DNAH1: variants seen among roughly 807,000 people sequenced by gnomAD.
DNAH1 encodes dynein axonemal heavy chain 1, also known as axonemal beta dynein heavy chain 1.
A neutral mutation model predicts 484.3 loss-of-function variants in DNAH1; 327 were observed. The observed-to-expected ratio is 0.68, with a 90% CI of 0.62 to 0.74. DNAH1 has a LOEUF of 0.74. DNAH1 is among the 30% of genes least tolerant of loss of function. The pLI is 0.00. For missense variants in DNAH1, 5,052 were observed against 5,546.8 expected, an observed-to-expected ratio of 0.91 and a Z score of 2.83; for synonymous variants, 2,192 against 2,191.9, an observed-to-expected ratio of 1.00 and a Z score of 0.00.
Position 52,399,408 on chromosome 3 carries a change from A to C in DNAH1, c.12442-137A>C, listed in dbSNP as rs1704801060. 4.2e-6 allele frequency: 4 copies of C among 947,418 alleles called. 1 individual carries two copies. In the South Asian group the frequency reaches 6.4e-5, roughly 15 times the overall value. 58.7% of individuals were successfully genotyped at this position (947,418 alleles called of 1,614,324 possible). A position where few individuals can be genotyped will look rare whatever the true frequency, so the allele number is the denominator to read the frequency against. On this transcript the variant is annotated intron_variant, in intron 76 of 77. Transcript: ENST00000420323. ...AGGGGCAGGGCACAGACCACAGGCC[A>C]TGGGCTAAAGTGGTAGGTACGTGAT...
Position 52,394,365 on chromosome 3 carries a change from C to G in DNAH1, c.10627-100C>G. On this transcript the variant is annotated intron_variant, in intron 66 of 77. Coordinates refer to ENST00000420323, the MANE Select transcript of DNAH1 (RefSeq NM_015512.5). The stretch of plus-strand genomic sequence containing the variant: ...CATCCCCAAGGGAGACTCAGTTTCT[C>G]CAGGTGAGGGTGGTTAGAGAGGCAC... 6.1e-6 allele frequency: 7 copies of G among 1,148,758 alleles called. No individual in the cohort carries two copies. The South Asian group carries it at 8.6e-5, about 14-fold the overall frequency. 71.2% of individuals were successfully genotyped at this position (1,148,758 alleles called of 1,614,324 possible). A position where few individuals can be genotyped will look rare whatever the true frequency, so the allele number is the denominator to read the frequency against.
chr3:52,385,377 A>C lies in DNAH1; in HGVS notation c.8555A>C (p.Asp2852Ala). ...TSEDVAKMQEDLESMHPLLEE... is the reference protein window; with the variant it reads ...TSEDVAKMQEALESMHPLLEE... ...GAGGATGTAGCCAAGATGCAGGAGG[A>C]CCTGGAGAGTATGCACCCCCTGCTG... The change falls in exon 54 of 78, where the codon GAC (aspartate) becomes GCC (alanine). Residue 2852 changes from aspartate (D) to alanine (A), a missense_variant. Transcript: ENST00000420323. The C allele has an allele frequency of 6.4e-7, 1 of 1,552,870 alleles. No individual in the cohort carries two copies. Among genetic ancestry groups the C allele is most frequent in the Non-Finnish European group, 8.7e-7 (1 of 1,147,648 alleles).
Position 52,369,911 on chromosome 3 carries a change from C to T in DNAH1, c.6030C>T (p.Pro2010=), listed in dbSNP as rs532461113. 1.9e-6 allele frequency: 3 copies of T among 1,613,994 alleles called. No homozygotes were observed. Among genetic ancestry groups the T allele is most frequent in the African/African-American group, 2.7e-5 (2 of 75,070 alleles). ...VSRCGMVYLE[P]SILGLMPFIE... ...GCTGTGGCATGGTGTACCTGGAGCC[C>T]AGCATCCTGGGGCTCATGCCCTTCA... The change falls in exon 38 of 78, where the codon CCC becomes CCT. Residue 2010 remains proline (P), a synonymous_variant. Transcript: ENST00000420323.
chr3:52,389,684 G>T (rs1704285061), intron 60 of DNAH1, 98 bp downstream of exon 60: 1 of 1,242,154 alleles, frequency 8.1e-7, no homozygotes, highest in African/African-American at 1.6e-5. Flanking sequence ...GCTTTCCAGG[G>T]CCTGGCTCGG....
Position 52,376,393 on chromosome 3 carries a change from G to A in DNAH1, c.7198+400G>A, listed in dbSNP as rs569676452. On this transcript the variant is annotated intron_variant, in intron 46 of 77. Transcript: ENST00000420323. ...ATCTGCCCGTCGTCGCGGCAAGGCG[G>A]CTGACCACTGCAGTCCCTGTCCTTG... Among the ~76,000 whole-genome samples the A allele has an allele frequency of 2.6e-5, 4 of 152,328 alleles. No individual in the cohort carries two copies. The South Asian group carries it at 8.3e-4, about 32-fold the overall frequency.
chr3:52,377,499 T>C (rs919955169), intron 46 of DNAH1, among the ~76,000 whole-genome samples: 2 of 151,692 alleles, frequency 1.3e-5, no homozygotes, highest in Non-Finnish European at 2.9e-5. Flanking sequence ...ATGAAATCAT[T>C]CCATCAGTCC....
intron 45 of DNAH1, 59 bp from the exon 46 acceptor site, chr3:52,375,896 G>C: frequency 1.9e-6 from 3 of 1,598,952 alleles, no homozygotes; most frequent in Non-Finnish European, 2.6e-6. Flanking sequence ...ACCTGGCCAG[G>C]GTGAGCAGCA....
Position 52,372,887 on chromosome 3 carries a change from T to C in DNAH1, c.6828-9T>C. On this transcript the variant is annotated splice_polypyrimidine_tract_variant and intron_variant, in intron 43 of 77. Transcript: ENST00000420323. ...GTGGGTGCTGGGCTCACACAGCCCC[T>C]CCCCTCAGGCGGAAGGGTGTGTTTG... The C allele has an allele frequency of 6.2e-7, 1 of 1,608,560 alleles. No homozygotes were observed. The highest frequency in any genetic ancestry group is 8.5e-7 in the Non-Finnish European group (1 of 1,176,536).
Position 52,355,478 on chromosome 3 carries a change from A to G in DNAH1, c.3693+423A>G, listed in dbSNP as rs1274842814. ...TGTCCTGAGCTTCTGTTCTCATCTC[A>G]TTTGGAGCTACCTTGGTTGAGGGGA... On this transcript the variant is annotated intron_variant, in intron 21 of 77. Coordinates refer to ENST00000420323, the MANE Select transcript of DNAH1 (RefSeq NM_015512.5). This position sits in a 1 kb window ranked among gnomAD's most constrained non-coding sequence, Gnocchi z 4.5. Among the ~76,000 whole-genome samples the G allele has an allele frequency of 1.3e-5, 2 of 152,094 alleles. No homozygotes were observed. The highest frequency in any genetic ancestry group is 4.8e-5 in the African/African-American group (2 of 41,416).
At chr3:52,326,700 A>G (rs546708532) in intron 4 of DNAH1, 35 bp from the exon 5 acceptor site, 3 of 1,550,692 alleles carry the variant, frequency 1.9e-6, no homozygotes, top group Non-Finnish European at 2.6e-6. Flanking sequence ...ACACGAGCCA[A>G]GCCATCCTGA....
intron 12 of DNAH1, among the ~76,000 whole-genome samples, chr3:52,348,618 GGCCCAGGCAGAGTCAT>G (rs1277285475): frequency 6.6e-6 from 1 of 152,202 alleles, no homozygotes; most frequent in African/African-American, 2.4e-5. Flanking sequence ...GGCTGAGTCA[GGCCCAGGCAGAGTCAT>G]GCCCAGGCAG....
intron 26 of DNAH1, among the ~76,000 whole-genome samples, chr3:52,359,708 A>G (rs1221910578): frequency 2.0e-5 from 3 of 152,198 alleles, no homozygotes; most frequent in Admixed American, 6.5e-5. Context: ...AGACAGCACG[A>G]CATGCTGCAG....
chr3:52,370,305 A>G, intron 39 of DNAH1, 76 bp downstream of exon 39: 2 of 1,571,438 alleles, frequency 1.3e-6, no homozygotes, highest in Non-Finnish European at 1.7e-6. Flanking sequence ...TGGGGCCTGA[A>G]AGAGAGAATT....
At chr3:52,339,020 C>G (rs377628666) in intron 8 of DNAH1, among the ~76,000 whole-genome samples, 1 of 151,800 alleles carries the variant, frequency 6.6e-6, no homozygotes, top group Non-Finnish European at 1.5e-5. Context: ...GGTGACAGAG[C>G]CAGACTCCGT....
chr3:52,317,579 C>G (rs1411384033), intron 1 of DNAH1, among the ~76,000 whole-genome samples: 2 of 152,338 alleles, frequency 1.3e-5, no homozygotes, highest in Middle Eastern at 3.4e-3. Flanking sequence ...AATCAAAGTT[C>G]TCACGCTGCA....
chr3:52,354,048 G>A (rs1447691879), intron 20 of DNAH1, among the ~76,000 whole-genome samples: 1 of 152,010 alleles, frequency 6.6e-6, no homozygotes, highest in East Asian at 1.9e-4. Flanking sequence ...TAAGATATTA[G>A]CCAGGCATGG....
chr3:52,379,587 C>T lies in DNAH1; in HGVS notation c.7378-318C>T, dbSNP rs1008977351. The stretch of plus-strand genomic sequence containing the variant: ...CCTCCCAGGTTTGGGGTTAGGGGAG[C>T]GACAGGGGGCTAAAAGGTGGAAGTG... On this transcript the variant is annotated intron_variant, in intron 47 of 77. Coordinates refer to ENST00000420323, the MANE Select transcript of DNAH1 (RefSeq NM_015512.5). The surrounding 1 kb of genome is among the most constrained non-coding windows in gnomAD (Gnocchi z 4.4). Among the ~76,000 whole-genome samples, 4 of 152,002 alleles carry T rather than the reference C, an allele frequency of 2.6e-5. No homozygotes were observed. The highest frequency in any genetic ancestry group is 2.9e-5 in the Non-Finnish European group (2 of 67,998).
Position 52,323,849 on chromosome 3 carries a change from G to A in DNAH1, c.375G>A (p.Arg125=), listed in dbSNP as rs1177309275. The A allele has an allele frequency of 1.3e-6, 2 of 1,584,424 alleles. No homozygotes were observed. The highest frequency in any genetic ancestry group is 1.2e-5 in the South Asian group (1 of 86,472). The change falls in exon 3 of 78, where the codon CGG becomes CGA. Residue 125 remains arginine (R), a synonymous_variant. Coordinates refer to ENST00000420323, the MANE Select transcript of DNAH1 (RefSeq NM_015512.5). ...CCCGAATGAGCCAGAACCTCCTGCG[G>A]CAGGCTGACCTTGACAAGTTCACCC... ...RGPRMSQNLL[R]QADLDKFTPR...
At chr3:52,366,577 G>A (rs1483860364) in intron 35 of DNAH1, 29 bp downstream of exon 35, 1 of 1,572,622 alleles carries the variant, frequency 6.4e-7, no homozygotes, top group Non-Finnish European at 8.6e-7. Context: ...GGCAGCCAGT[G>A]TCCGGATAGT....
Sources: allele counts gnomAD v4.1 joint callset (sites outside exome capture counted in the v4.1 genomes callset), GRCh38; gene constraint gnomAD v4.1.1; non-coding constraint Gnocchi (gnomAD v3.1); transcripts MANE v1.5; gene names NCBI Gene and HGNC (gene_info 2026-07-23, HGNC 2026-07-21).